ATXN7L1: variants seen among roughly 807,000 people sequenced by gnomAD.
ATXN7L1 encodes ataxin-7-like protein 1.
Under a neutral mutation model 70.8 loss-of-function variants are expected in ATXN7L1, and 15 were observed. The ratio of observed to expected loss-of-function variants is 0.21; its 90% CI spans 0.14 to 0.33. The LOEUF is 0.33. ATXN7L1 is among the 10% of genes least tolerant of loss of function. The pLI is 1.00. For missense variants in ATXN7L1, 975 were observed against 1,097.1 expected, an observed-to-expected ratio of 0.89 and a Z score of 1.57; for synonymous variants, 440 against 445.1, an observed-to-expected ratio of 0.99 and a Z score of 0.14.
chr7:105,823,308 C>T (rs975071896), intron 2 of ATXN7L1, among the ~76,000 whole-genome samples: 2 of 152,140 alleles, frequency 1.3e-5, no homozygotes, highest in African/African-American at 4.8e-5. Flanking sequence ...GCTCCCAGCT[C>T]ATACAGCAGA....
At chr7:105,761,401 C>T (rs780708894) in intron 3 of ATXN7L1, 9 of 1,614,058 alleles carry the variant, frequency 5.6e-6, no homozygotes, top group Non-Finnish European at 6.8e-6. Flanking sequence ...TTCTCTATGG[C>T]TTGGCTGCTC....
At chr7:105,621,789 G>A (rs567357920) in intron 8 of ATXN7L1, among the ~76,000 whole-genome samples, 1 of 152,264 alleles carries the variant, frequency 6.6e-6, no homozygotes, top group South Asian at 2.1e-4. Flanking sequence ...ACACAGGGCT[G>A]GATTGGCACT....
At chr7:105,619,524 ATATATATTTTTTTTTTTTTTTTTT>A (rs1402880071) in intron 9 of ATXN7L1, among the ~76,000 whole-genome samples, 57 of 21,546 alleles carry the variant, frequency 2.6e-3, no homozygotes, top group Non-Finnish European at 3.3e-3. Flanking sequence ...ATATATATAT[ATATATATTTTTTTTTTTTTTTTTT>A]TTTTTTTTTT....
chr7:105,718,796 T>C (rs1030205495), intron 3 of ATXN7L1, among the ~76,000 whole-genome samples: 3 of 152,206 alleles, frequency 2.0e-5, no homozygotes, highest in Non-Finnish European at 4.4e-5. Flanking sequence ...GTCCAGGCTA[T>C]GAGTGTTCAA....
intron 2 of ATXN7L1, among the ~76,000 whole-genome samples, chr7:105,797,838 G>A (rs192790512): frequency 5.3e-5 from 8 of 152,278 alleles, no homozygotes; most frequent in African/African-American, 1.9e-4. Context: ...TTATGTCTCT[G>A]ACTCTCACCA....
intron 3 of ATXN7L1, among the ~76,000 whole-genome samples, chr7:105,731,773 GAAAA>G (rs754257158): frequency 3.0e-5 from 2 of 66,820 alleles, no homozygotes; most frequent in Non-Finnish European, 5.7e-5. Flanking sequence ...GAAAAGAAAA[GAAAA>G]GAAAAGAAAA....
At chr7:105,846,934 C>T (rs554020738) in intron 2 of ATXN7L1, among the ~76,000 whole-genome samples, 41 of 152,100 alleles carry the variant, frequency 2.7e-4, no homozygotes, top group Non-Finnish European at 5.6e-4. Flanking sequence ...AAAGTTGATT[C>T]GTAGTTGCCA....
chr7:105,742,776 C>G (rs1424011400), intron 3 of ATXN7L1, among the ~76,000 whole-genome samples: 1 of 152,162 alleles, frequency 6.6e-6, no homozygotes, highest in Non-Finnish European at 1.5e-5. Flanking sequence ...TCCAGGGAAG[C>G]TATTTTAATT....
intron 2 of ATXN7L1, among the ~76,000 whole-genome samples, chr7:105,831,167 G>A (rs1026804760): frequency 3.3e-5 from 5 of 152,184 alleles, no homozygotes; most frequent in Admixed American, 3.3e-4. Context: ...ACACTTGTTG[G>A]TGACCAAGCT....
chr7:105,853,869 C>T (rs567695156), intron 2 of ATXN7L1, among the ~76,000 whole-genome samples: 1 of 152,266 alleles, frequency 6.6e-6, no homozygotes, highest in East Asian at 1.9e-4. Context: ...CCTGGCTGTA[C>T]CTCTCTCTGA....
chr7:105,657,822 T>G (rs1313064270), intron 4 of ATXN7L1, among the ~76,000 whole-genome samples: 1 of 151,890 alleles, frequency 6.6e-6, no homozygotes, highest in Admixed American at 6.6e-5. Flanking sequence ...GAACGGATAC[T>G]TGATTCAGTT....
chr7:105,675,139 A>G (rs1804432291), intron 3 of ATXN7L1, among the ~76,000 whole-genome samples: 1 of 140,056 alleles, frequency 7.1e-6, no homozygotes, highest in South Asian at 2.5e-4. Context: ...AGATATTCTC[A>G]GCACTGTTTA....
At chr7:105,625,911 A>T (rs1337853857) in intron 7 of ATXN7L1, among the ~76,000 whole-genome samples, 1 of 152,210 alleles carries the variant, frequency 6.6e-6, no homozygotes, top group Non-Finnish European at 1.5e-5. Flanking sequence ...AAAGATAGGG[A>T]GAAAAAGAAG....
chr7:105,853,341 T>C (rs1173964691), intron 2 of ATXN7L1, among the ~76,000 whole-genome samples: 1 of 148,264 alleles, frequency 6.7e-6, no homozygotes, highest in Non-Finnish European at 1.5e-5. Flanking sequence ...CTGACTGAGG[T>C]CAGGAGCTTG....
chr7:105,692,877 C>T (rs1022529619), intron 3 of ATXN7L1, among the ~76,000 whole-genome samples: 1 of 151,740 alleles, frequency 6.6e-6, no homozygotes, highest in African/African-American at 2.4e-5. Flanking sequence ...AGCCGCACCA[C>T]TGCCCTTGGC....
At chr7:105,838,973 A>T (rs749654366) in intron 2 of ATXN7L1, among the ~76,000 whole-genome samples, 2 of 152,238 alleles carry the variant, frequency 1.3e-5, no homozygotes, top group Non-Finnish European at 2.9e-5. Flanking sequence ...ATCTCTGCTT[A>T]AACCAGGCAT....
chr7:105,747,715 G>A (rs578162277), intron 3 of ATXN7L1, among the ~76,000 whole-genome samples: 1 of 152,298 alleles, frequency 6.6e-6, no homozygotes, highest in African/African-American at 2.4e-5. Context: ...GATCTGATGC[G>A]ATGTCTAGGT....
intron 4 of ATXN7L1, among the ~76,000 whole-genome samples, chr7:105,661,960 T>G (rs1801674827): frequency 6.6e-6 from 1 of 152,142 alleles, no homozygotes; most frequent in Non-Finnish European, 1.5e-5. Flanking sequence ...TCCTTACAAA[T>G]CTCTTGGTTG....
At chr7:105,732,435 T>A (rs568199371) in intron 3 of ATXN7L1, among the ~76,000 whole-genome samples, 11 of 152,312 alleles carry the variant, frequency 7.2e-5, no homozygotes, top group Admixed American at 3.9e-4. Context: ...TACAGATTAC[T>A]AATGTATATG....
Sources: gnomAD v4.1 joint callset for allele counts (sites outside exome capture counted in the v4.1 genomes callset) on GRCh38, gnomAD v4.1.1 for gene constraint, MANE v1.5 for transcripts, NCBI Gene and HGNC (gene_info 2026-07-23, HGNC 2026-07-21) for gene names.